ZNF239: variants seen among roughly 807,000 people sequenced by gnomAD.
ZNF239 encodes the protein zinc finger protein (C2H2) homologous to mouse MOK-2.
A neutral mutation model predicts 27.5 loss-of-function variants in ZNF239; 16 were observed. That is an observed-to-expected ratio of 0.58 (90% CI 0.39 to 0.88). The LOEUF (loss-of-function observed/expected upper bound fraction) is 0.88. Ranked by LOEUF, ZNF239 falls within the 40% of genes least tolerant of loss-of-function variation. ZNF239 has a pLI of 0.00. For synonymous variants in ZNF239, 199 were observed against 192.6 expected, an observed-to-expected ratio of 1.03 and a Z score of -0.27; for missense variants, 527 against 551.9, an observed-to-expected ratio of 0.95 and a Z score of 0.45.
chr10:43,557,398 C>G lies in ZNF239; in HGVS notation c.682G>C (p.Asp228His). 1 of 1,614,190 alleles carries G rather than the reference C, an allele frequency of 6.2e-7. No individual in the cohort carries two copies. The highest frequency in any genetic ancestry group is 8.5e-7 in the Non-Finnish European group (1 of 1,180,022). Reference protein sequence around the residue: ...QSSELLLHQRDHTEEKPYKCE... With the variant: ...QSSELLLHQRHHTEEKPYKCE... ...TTGTAGGGTTTTTCTTCTGTGTGGT[C>G]TCTCTGATGAAGTAGTAGCTCTGAG... Residue 228 changes from aspartate to histidine, a missense_variant, in exon 4 of 4, where the codon GAC becomes CAC. Transcript: ENST00000374446.
chr10:43,569,068 C>T (rs1837867540), intron 2 of ZNF239, among the ~76,000 whole-genome samples: 1 of 152,138 alleles, frequency 6.6e-6, no homozygotes, highest in African/African-American at 2.4e-5. Context: ...CAGCAATATC[C>T]ATCAGCATCT....
intron 3 of ZNF239, among the ~76,000 whole-genome samples, chr10:43,560,794 C>T (rs2999280): frequency 0.4 from 60,546 of 151,790 alleles, 14,727 homozygotes; most frequent in East Asian, 0.54. Context: ...GGACACACTC[C>T]AATATCATGC....
intron 2 of ZNF239, chr10:43,568,264 T>A: frequency 1.0e-6 from 1 of 985,502 alleles, no homozygotes; most frequent in Non-Finnish European, 1.2e-6. Context: ...TCTCAGCTAC[T>A]GAATCTTTCT....
intron 2 of ZNF239, among the ~76,000 whole-genome samples, chr10:43,568,897 A>G (rs1837857847): frequency 6.6e-6 from 1 of 152,164 alleles, no homozygotes; most frequent in Non-Finnish European, 1.5e-5. Flanking sequence ...TGAAAATACA[A>G]AAATTAGCCA....
intron 3 of ZNF239, among the ~76,000 whole-genome samples, chr10:43,560,750 A>G (rs1837183356): frequency 6.6e-6 from 1 of 151,804 alleles, no homozygotes. Flanking sequence ...AGTAAAACAC[A>G]TATGCATGCC....
intron 2 of ZNF239, chr10:43,570,688 C>T (rs1302796902): frequency 4.3e-6 from 4 of 935,016 alleles, no homozygotes; most frequent in Non-Finnish European, 5.1e-6. Context: ...CAATGTGTTA[C>T]CTCTTTTCCA....
At chr10:43,565,582 A>G (rs10899828) in intron 3 of ZNF239, among the ~76,000 whole-genome samples, 60,745 of 151,746 alleles carry the variant, frequency 0.4, 14,715 homozygotes, top group South Asian at 0.54. Context: ...TGAGATTTCA[A>G]GTTAGAAAAA....
intron 2 of ZNF239, among the ~76,000 whole-genome samples, chr10:43,572,686 G>T (rs141408451): frequency 7.2e-5 from 11 of 152,322 alleles, no homozygotes; most frequent in Non-Finnish European, 1.6e-4. Context: ...AGGGCAAAGA[G>T]GGGGCCGACC....
In ZNF239 at chr10:43,557,866, T is replaced by C. The variant is rs1049713941; in HGVS notation, c.214A>G (p.Ile72Val). The change falls in exon 4 of 4, where the codon ATA becomes GTA. Residue 72 changes from isoleucine (I) to valine (V), a missense_variant. Physicochemically the swap from Ile to Val is conservative, Grantham distance 29 (BLOSUM62 3). Coordinates refer to ENST00000374446, the MANE Select transcript of ZNF239 (RefSeq NM_001099282.2). Reference protein sequence around the residue: ...TYLPLKVSSQIDTQDSSVKFC... With the variant: ...TYLPLKVSSQVDTQDSSVKFC... ...TTCACTGAAGAGTCTTGTGTGTCTATTTGGCTTGAGACTTTCAAAGGCAAA... is the reference window on the plus strand; with the variant it reads ...TTCACTGAAGAGTCTTGTGTGTCTACTTGGCTTGAGACTTTCAAAGGCAAA... 1 of 1,614,108 alleles carries C rather than the reference T, an allele frequency of 6.2e-7. No individual in the cohort carries two copies.
At chr10:43,574,129 G>A (rs1305916442) in intron 1 of ZNF239, among the ~76,000 whole-genome samples, 1 of 152,198 alleles carries the variant, frequency 6.6e-6, no homozygotes, top group Admixed American at 6.5e-5. Flanking sequence ...AGAAACCTCA[G>A]TCTCTTACAG....
chr10:43,559,101 G>C (rs928066066), intron 3 of ZNF239, among the ~76,000 whole-genome samples: 2 of 152,196 alleles, frequency 1.3e-5, no homozygotes, highest in Non-Finnish European at 1.5e-5. Context: ...ACTACAAGCG[G>C]CTTCTTACGA....
chr10:43,556,804 T>C lies in ZNF239; in HGVS notation c.1276A>G (p.Thr426Ala). The C allele has an allele frequency of 6.2e-7, 1 of 1,613,894 alleles. No individual in the cohort carries two copies. Among genetic ancestry groups the C allele is most frequent in the Non-Finnish European group, 8.5e-7 (1 of 1,179,964 alleles). The change falls in exon 4 of 4, where the codon ACT becomes GCT. Residue 426 changes from threonine to alanine, a missense_variant. Physicochemically the swap from Thr to Ala is moderately conservative, Grantham distance 58. Transcript: ENST00000374446. ...CTGCACTCATAGGGCTTCTCTCCAGTATGTACTCTCTGGTGGATGAGGAGT... is the reference window on the plus strand; with the variant it reads ...CTGCACTCATAGGGCTTCTCTCCAGCATGTACTCTCTGGTGGATGAGGAGT... ...SKLLIHQRVH[T>A]GEKPYECSKC...
intron 3 of ZNF239, among the ~76,000 whole-genome samples, chr10:43,565,992 G>T (rs984194914): frequency 6.6e-6 from 1 of 152,116 alleles, no homozygotes; most frequent in African/African-American, 2.4e-5. Flanking sequence ...TGGTAAATAT[G>T]CTGAAATAAA....
intron 3 of ZNF239, among the ~76,000 whole-genome samples, 194 bp downstream of exon 3, chr10:43,567,705 C>T (rs1298960571): frequency 6.6e-6 from 1 of 152,194 alleles, no homozygotes; most frequent in Non-Finnish European, 1.5e-5. Context: ...AAAGCAAAAT[C>T]AGTCCCACCT....
At chr10:43,561,460 T>C (rs1225191204) in intron 3 of ZNF239, among the ~76,000 whole-genome samples, 1 of 152,180 alleles carries the variant, frequency 6.6e-6, no homozygotes, top group Non-Finnish European at 1.5e-5. Flanking sequence ...ATTGGCAATA[T>C]TGCAAATCTT....
At chr10:43,573,318 T>A (rs964518708) in intron 2 of ZNF239, among the ~76,000 whole-genome samples, 12 of 152,132 alleles carry the variant, frequency 7.9e-5, no homozygotes, top group African/African-American at 2.9e-4. Context: ...CTGGGATGAG[T>A]ATGGAATAGC....
chr10:43,557,985 T>C lies in ZNF239; in HGVS notation c.95A>G (p.Gln32Arg), dbSNP rs770028944. 1 of 1,614,170 alleles carries C rather than the reference T, an allele frequency of 6.2e-7. No homozygotes were observed. Among genetic ancestry groups the C allele is most frequent in the South Asian group, 1.1e-5 (1 of 91,082 alleles). ...AATAGGAGAAGATGCTTCTCCCCAC[T>C]GTTGACAAGGGGAAATATCTAGTTC... ...EPELDISPCQ[Q>R]WGEASSPISR... Residue 32 changes from glutamine (Q) to arginine (R), a missense_variant, in exon 4 of 4, where the codon CAG (glutamine) becomes CGG (arginine). Coordinates refer to ENST00000374446, the MANE Select transcript of ZNF239 (RefSeq NM_001099282.2).
Position 43,556,605 on chromosome 10 carries a change from A to C in ZNF239, c.*98T>G. 6.9e-7 allele frequency: 1 copy of C among 1,442,366 alleles called. No homozygotes were observed. The highest frequency in any genetic ancestry group is 9.3e-7 in the Non-Finnish European group (1 of 1,079,358). 89.3% of individuals were successfully genotyped at this position (1,442,366 alleles called of 1,614,324 possible). A position where few individuals can be genotyped will look rare whatever the true frequency, so the allele number is the denominator to read the frequency against. On this transcript the variant is annotated 3_prime_UTR_variant, in exon 4 of 4. Transcript: ENST00000374446. ...GGGAACATATCTAAATAACCCTTAC[A>C]TCTCTCTCCTTTGTAGAATATAAAG...
At chr10:43,570,893 G>A (rs1036651267) in intron 2 of ZNF239, 1 of 985,224 alleles carries the variant, frequency 1.0e-6, no homozygotes, top group Admixed American at 6.1e-5. Context: ...AGGATATGTT[G>A]GTGGACTACT....
Sources: allele counts gnomAD v4.1 joint callset (sites outside exome capture counted in the v4.1 genomes callset), GRCh38; gene constraint gnomAD v4.1.1; transcripts MANE v1.5; gene names NCBI Gene and HGNC (gene_info 2026-07-23, HGNC 2026-07-21).